Variants in RSBN1L observed in about 807,000 individuals in gnomAD.
The protein encoded by RSBN1L is round spermatid basic protein 1 like.
RSBN1L carries 30 observed loss-of-function variants against 67.7 expected under a neutral mutation model. The ratio of observed to expected loss-of-function variants is 0.44; its 90% CI spans 0.33 to 0.60. RSBN1L has a LOEUF of 0.60. RSBN1L is among the 20% of genes least tolerant of loss of function. The pLI is 0.02. For synonymous variants in RSBN1L, 433 were observed against 387.0 expected, an observed-to-expected ratio of 1.12 and a Z score of -1.39; for missense variants, 992 against 1,031.7, an observed-to-expected ratio of 0.96 and a Z score of 0.53.
At chr7:77,740,052 T>G (rs1234764131) in intron 2 of RSBN1L, among the ~76,000 whole-genome samples, 2 of 152,010 alleles carry the variant, frequency 1.3e-5, no homozygotes, top group Non-Finnish European at 2.9e-5. Flanking sequence ...GCGTCCGGCC[T>G]GTCAAGTTTT....
At chr7:77,759,721 T>C (rs1185719168) in intron 3 of RSBN1L, 2 of 152,222 alleles carry the variant, frequency 1.3e-5, no homozygotes, top group Non-Finnish European at 2.9e-5. Flanking sequence ...TCCATATTTA[T>C]GGTGGATCAC....
At chr7:77,709,088 C>G (rs767867062) in intron 1 of RSBN1L, among the ~76,000 whole-genome samples, 1 of 151,210 alleles carries the variant, frequency 6.6e-6, no homozygotes, top group Non-Finnish European at 1.5e-5. Flanking sequence ...AGATAGAACT[C>G]AAAATTAGTG....
chr7:77,718,456 T>C (rs990651283), intron 1 of RSBN1L, among the ~76,000 whole-genome samples: 3 of 151,976 alleles, frequency 2.0e-5, no homozygotes, highest in Admixed American at 1.3e-4. Context: ...ACCTGGCTAA[T>C]TTTTTTGTAT....
rs10569815 is a variant in RSBN1L, at chr7:77,779,443, CAT to C, written c.*291_*292del. The C allele has an allele frequency of 0.53, 78,401 of 147,310 alleles. 22,100 individuals are homozygous for C. The highest frequency in any genetic ancestry group is 0.72 in the African/African-American group (28,801 of 40,026). 9.1% of individuals were successfully genotyped at this position (147,310 alleles called of 1,614,324 possible). A position where few individuals can be genotyped will look rare whatever the true frequency, so the allele number is the denominator to read the frequency against. On this transcript the variant is annotated 3_prime_UTR_variant, in exon 8 of 8. Transcript: ENST00000334955. ...GGTTTTAGAATAGAGCTGACATTAA[CAT>C]ATATATATATATATAAATATATATA...
intron 2 of RSBN1L, among the ~76,000 whole-genome samples, chr7:77,739,714 A>G (rs1791382816): frequency 8.7e-6 from 1 of 115,258 alleles, no homozygotes; most frequent in Non-Finnish European, 1.7e-5. Flanking sequence ...GTCTCAGGAA[A>G]AAAAAAAAAA....
In RSBN1L at chr7:77,766,908, T is replaced by G. The variant is rs186319130; in HGVS notation, c.1482+1276T>G. Among the ~76,000 whole-genome samples, 67 of 152,348 alleles carry G rather than the reference T, an allele frequency of 4.4e-4. 2 individuals are homozygous for G. Among genetic ancestry groups the G allele is most frequent in the Middle Eastern group, 3.4e-3 (1 of 294 alleles). Reference sequence around the variant, plus strand: ...AGTTACATCATGGAATTAGGTTGCATTTATTATTGGACTATATTTAAAAAT... The same window carrying G: ...AGTTACATCATGGAATTAGGTTGCAGTTATTATTGGACTATATTTAAAAAT... On this transcript the variant is annotated intron_variant, in intron 4 of 7. Transcript: ENST00000334955.
In RSBN1L at chr7:77,768,699, A is replaced by G. The variant is rs1791807096; in HGVS notation, c.1521A>G (p.Leu507=). The change falls in exon 5 of 8, where the codon TTA becomes TTG. Residue 507 remains leucine, a synonymous_variant. Transcript: ENST00000334955. ...LPWGTLSSLK[L]QSRKDSDDGP... ...GGGGGACGCTATCTAGTCTAAAATT[A>G]CAGAGTCGAAAAGATAGTGATGATG... 1 of 1,613,704 alleles carries G rather than the reference A, an allele frequency of 6.2e-7. No homozygotes were observed. The highest frequency in any genetic ancestry group is 1.3e-5 in the African/African-American group (1 of 74,918).
rs1002573988 is a variant in RSBN1L, at chr7:77,780,686, C to T, written c.*1518C>T. On this transcript the variant is annotated 3_prime_UTR_variant, in exon 8 of 8. Transcript: ENST00000334955. ...ATTAACAAAATACTTTGTGGTACCT[C>T]TTATCTCTCAGGATCTCCTCCCTAC... The T allele has an allele frequency of 6.6e-6, 1 of 152,222 alleles. No individual in the cohort carries two copies. 9.4% of individuals were successfully genotyped at this position (152,222 alleles called of 1,614,324 possible).
chr7:77,779,189 A>G lies in RSBN1L; in HGVS notation c.*21A>G. 6.6e-7 allele frequency: 1 copy of G among 1,518,080 alleles called. No homozygotes were observed. Among genetic ancestry groups the G allele is most frequent in the Non-Finnish European group, 8.9e-7 (1 of 1,129,512 alleles). 94.0% of individuals were successfully genotyped at this position (1,518,080 alleles called of 1,614,324 possible). ...GCTAAATTTGCATATACCATCTAAA[A>G]TCCTTTTTTAAAAAAATTTAATGTA... On this transcript the variant is annotated 3_prime_UTR_variant, in exon 8 of 8. Transcript: ENST00000334955.
intron 1 of RSBN1L, among the ~76,000 whole-genome samples, chr7:77,698,246 G>T (rs774941437): frequency 2.0e-5 from 3 of 152,244 alleles, no homozygotes; most frequent in Non-Finnish European, 4.4e-5. Flanking sequence ...AGGGACTCTG[G>T]TGCAATGTAA....
intron 3 of RSBN1L, 80 bp from the exon 4 acceptor site, chr7:77,765,415 A>ACAC: frequency 9.1e-7 from 1 of 1,096,212 alleles, no homozygotes; most frequent in East Asian, 2.6e-5. Flanking sequence ...GCATTATCTT[A>ACAC]TGTGTAACTT....
intron 2 of RSBN1L, among the ~76,000 whole-genome samples, chr7:77,748,857 A>ATGG (rs1791517397): frequency 6.6e-6 from 1 of 152,146 alleles, no homozygotes; most frequent in Non-Finnish European, 1.5e-5. Context: ...ATATGTCAGA[A>ATGG]TGGTAGCACA....
At chr7:77,756,901 T>G (rs1208253359) in intron 3 of RSBN1L, among the ~76,000 whole-genome samples, 1 of 152,204 alleles carries the variant, frequency 6.6e-6, no homozygotes, top group South Asian at 2.1e-4. Flanking sequence ...TATATAATGA[T>G]AGAAGCTGCG....
At chr7:77,722,723 C>A (rs909849238) in intron 1 of RSBN1L, among the ~76,000 whole-genome samples, 1 of 151,790 alleles carries the variant, frequency 6.6e-6, no homozygotes, top group African/African-American at 2.4e-5. Flanking sequence ...GTTCTCTCAT[C>A]TATTTCTAGC....
intron 1 of RSBN1L, among the ~76,000 whole-genome samples, chr7:77,719,980 G>A (rs920559230): frequency 3.9e-5 from 6 of 152,122 alleles, no homozygotes; most frequent in Non-Finnish European, 7.3e-5. Context: ...GTCCAGGCTG[G>A]CCTTGAACTC....
chr7:77,750,301 T>G (rs1038265802), intron 3 of RSBN1L, among the ~76,000 whole-genome samples: 60 of 109,480 alleles, frequency 5.5e-4, no homozygotes, highest in Admixed American at 9.1e-4. Flanking sequence ...TCTGTGTTTT[T>G]TTTTTTTTTT....
At chr7:77,711,322 ATTTT>A (rs200143722) in intron 1 of RSBN1L, among the ~76,000 whole-genome samples, 43 of 138,646 alleles carry the variant, frequency 3.1e-4, no homozygotes, top group African/African-American at 9.4e-4. Context: ...TTGCATATTA[ATTTT>A]TTTTTTTTTT....
chr7:77,749,990 A>C lies in RSBN1L; in HGVS notation c.1270A>C (p.Asn424His). Reference sequence around the variant, plus strand: ...AGACTATTTTTCATTTAATTTTCCCAATTCACCAGTGAAAATGGAGATATT... The same window carrying C: ...AGACTATTTTTCATTTAATTTTCCCCATTCACCAGTGAAAATGGAGATATT... ...FLDYFSFNFP[N>H]SPVKMEILGK... Residue 424 changes from asparagine to histidine, a missense_variant, in exon 3 of 8, where the codon AAT becomes CAT. Physicochemically the swap from Asn to His is moderately conservative, Grantham distance 68. Transcript: ENST00000334955. The C allele has an allele frequency of 3.1e-6, 5 of 1,613,528 alleles. No individual in the cohort carries two copies. Among genetic ancestry groups the C allele is most frequent in the Non-Finnish European group, 4.2e-6 (5 of 1,179,568 alleles).
chr7:77,738,829 C>T (rs1791369244), intron 2 of RSBN1L, among the ~76,000 whole-genome samples: 1 of 152,006 alleles, frequency 6.6e-6, no homozygotes, highest in South Asian at 2.1e-4. Flanking sequence ...ATCCCAGCAA[C>T]TCGGGAGGCT....
Sources: allele counts gnomAD v4.1 joint callset (sites outside exome capture counted in the v4.1 genomes callset), GRCh38; gene constraint gnomAD v4.1.1; transcripts MANE v1.5; gene names NCBI Gene and HGNC (gene_info 2026-07-23, HGNC 2026-07-21).